TTN: variants seen among roughly 807,000 people sequenced by gnomAD.
The protein encoded by TTN is titin.
Under a neutral mutation model 3,223.0 loss-of-function variants are expected in TTN, and 1,525 were observed. That is an observed-to-expected ratio of 0.47 (90% confidence interval 0.45 to 0.49). TTN has a LOEUF of 0.49. TTN is among the 20% of genes least tolerant of loss of function. The pLI is 0.00. For synonymous variants in TTN, 14,094 were observed against 15,161.0 expected, an observed-to-expected ratio of 0.93 and a Z score of 5.17; for missense variants, 40,786 against 43,424.0, an observed-to-expected ratio of 0.94 and a Z score of 5.40.
intron 133 of TTN, among the ~76,000 whole-genome samples, chr2:178,683,684 A>C (rs1164550891): frequency 6.6e-6 from 1 of 152,088 alleles, no homozygotes; most frequent in Admixed American, 6.6e-5. Context: ...GAAAAAATTA[A>C]AAATTTCATC....
In TTN at chr2:178,530,931, C is replaced by T; in HGVS notation, c.105684G>A (p.Val35228=). Residue 35228 remains valine (V), a synonymous_variant, in exon 358 of 363, where the codon GTG becomes GTA. Transcript: ENST00000589042. The part of the protein sequence containing the change: ...IQKARVTEKA[V]TSPPRVKSPE... ...GGGATTTGACTCTTGGTGGTGATGT[C>T]ACAGCCTTTTCAGTTACCCTGGCCT... 1 of 1,613,948 alleles carries T rather than the reference C, an allele frequency of 6.2e-7. No individual in the cohort carries two copies. Among genetic ancestry groups the T allele is most frequent in the Non-Finnish European group, 8.5e-7 (1 of 1,179,880 alleles).
rs773875566 is a variant in TTN, at chr2:178,769,679, G to A, written c.8902C>T (p.Pro2968Ser). The change falls in exon 37 of 363, where the codon CCA becomes TCA. Residue 2968 changes from proline to serine, a missense_variant and splice_region_variant. Physicochemically the swap from Pro to Ser is moderately conservative, Grantham distance 74. Coordinates refer to ENST00000589042, the MANE Select transcript of TTN (RefSeq NM_001267550.2). ...TATATATATATATTTTTTAACTTAC[G>A]GGTGACTGTCAGGGTGGCACTGACT... The part of the protein sequence containing the change: ...DQVSATLTVT[P>S]IMITSMLKDI... 1.6e-5 allele frequency: 25 copies of A among 1,611,884 alleles called. No homozygotes were observed. The highest frequency in any genetic ancestry group is 1.5e-4 in the Admixed American group (9 of 59,912).
In TTN at chr2:178,776,897, G is replaced by A. The variant is rs532771047; in HGVS notation, c.4967C>T (p.Pro1656Leu). Reference protein sequence around the residue: ...NVEVEFAEPEPERKLIIPRGT... With the variant: ...NVEVEFAEPELERKLIIPRGT... Reference sequence around the variant, plus strand: ...CCGTGGGATGATTAACTTTCTCTCTGGCTCAGGCTCTGCAAACTCAACTTC... The same window carrying A: ...CCGTGGGATGATTAACTTTCTCTCTAGCTCAGGCTCTGCAAACTCAACTTC... Residue 1656 changes from proline (P) to leucine (L), a missense_variant, in exon 28 of 363, where the codon CCA (proline) becomes CTA (leucine). Coordinates refer to ENST00000589042, the MANE Select transcript of TTN (RefSeq NM_001267550.2). 6 of 1,613,112 alleles carry A rather than the reference G, an allele frequency of 3.7e-6. No homozygotes were observed. The South Asian group carries it at 6.6e-5, about 18-fold the overall frequency.
chr2:178,744,823 C>A, intron 47 of TTN: 1 of 984,966 alleles, frequency 1.0e-6, no homozygotes. Context: ...GATGTCATCT[C>A]AAAAATGGAG....
rs765570520 is a variant in TTN, at chr2:178,686,113, A to ATTTTTTT, written c.32312-522_32312-516dup. On this transcript the variant is annotated intron_variant, in intron 127 of 362. Coordinates refer to ENST00000589042, the MANE Select transcript of TTN (RefSeq NM_001267550.2). ...TTGAGCCTAAGTGTATACAGTTTTA[A>ATTTTTTT]TTTTTTTTTTTTTTTTTTTTTTTTT... Among the ~76,000 whole-genome samples, 408 of 77,788 alleles carry ATTTTTTT rather than the reference A, an allele frequency of 5.2e-3. 49 individuals are homozygous for ATTTTTTT. Among genetic ancestry groups the ATTTTTTT allele is most frequent in the African/African-American group, 0.018 (276 of 15,084 alleles). 51.0% of individuals were successfully genotyped at this position (77,788 alleles called of 152,430 possible).
Position 178,782,909 on chromosome 2 carries a change from A to G in TTN, c.2997T>C (p.Arg999=). The change falls in exon 18 of 363, where the codon CGT becomes CGC. Residue 999 remains arginine, a synonymous_variant. Transcript: ENST00000589042. The part of the protein sequence containing the change: ...FQITFQSGIA[R]LMIREAFAED... ...CCGCAAATGCTTCGCGAATCATAAG[A>G]CGAGCAATTCCACTCTGGAAGGTTA... 1 of 1,614,120 alleles carries G rather than the reference A, an allele frequency of 6.2e-7. No homozygotes were observed. The highest frequency in any genetic ancestry group is 8.5e-7 in the Non-Finnish European group (1 of 1,179,992).
rs538803059 is a variant in TTN at position 178,560,529 on chromosome 2, C to T, written c.85603G>A (p.Glu28535Lys). The stretch of plus-strand genomic sequence containing the variant: ...TTTATAGCTACACTCTCTAGGGGCT[C>T]ACCAACACCATATTTATTAACACCA... Reference protein sequence around the residue: ...VTGVNKYGVGEPLESVAIKAL... With the variant: ...VTGVNKYGVGKPLESVAIKAL... The change falls in exon 326 of 363, where the codon GAG (glutamate) becomes AAG (lysine). Residue 28535 changes from glutamate (E) to lysine (K), a missense_variant. Glu to Lys is a moderately conservative substitution (Grantham distance 56). Coordinates refer to ENST00000589042, the MANE Select transcript of TTN (RefSeq NM_001267550.2). 1.2e-6 allele frequency: 2 copies of T among 1,613,126 alleles called. No individual in the cohort carries two copies. Among genetic ancestry groups the T allele is most frequent in the African/African-American group, 1.3e-5 (1 of 74,894 alleles).
Position 178,679,642 on chromosome 2 carries a change from T to A in TTN, c.33621A>T (p.Lys11207Asn), listed in dbSNP as rs1441640269. ...VPRKPVPEEK[K>N]PVPVPKKKEA... The stretch of plus-strand genomic sequence containing the variant: ...CCTTCTTCTTGGGAACAGGAACAGG[T>A]TTCTTCTCTTCTGGAACAGGTTTCC... The change falls in exon 141 of 363, where the codon AAA (lysine) becomes AAT (asparagine). Residue 11207 changes from lysine to asparagine, a missense_variant. Coordinates refer to ENST00000589042, the MANE Select transcript of TTN (RefSeq NM_001267550.2). 3 of 1,611,498 alleles carry A rather than the reference T, an allele frequency of 1.9e-6. No homozygotes were observed. The highest frequency in any genetic ancestry group is 2.5e-6 in the Non-Finnish European group (3 of 1,179,090).
chr2:178,678,723 T>C (rs1435722635), intron 143 of TTN, 24 bp downstream of exon 143: 2 of 1,595,612 alleles, frequency 1.3e-6, no homozygotes, highest in Non-Finnish European at 1.7e-6. Flanking sequence ...AATAAAAATA[T>C]TGCAACATTG....
intron 12 of TTN, 106 bp from the exon 13 acceptor site, chr2:178,789,603 TA>T (rs2093381604): frequency 3.5e-6 from 5 of 1,417,124 alleles, no homozygotes; most frequent in African/African-American, 1.4e-5. Context: ...TATTCAGGGT[TA>T]AATACACAAG....
At position 178,768,738 on chromosome 2, in the gene TTN, C is replaced by T. The variant is rs772024586; in HGVS notation, c.9098G>A (p.Gly3033Glu). 6.2e-7 allele frequency: 1 copy of T among 1,614,036 alleles called. No homozygotes were observed. The part of the protein sequence containing the change: ...HSLNIRNVHF[G>E]DAADYTFVAG... ...CACAAAGGTGTAGTCAGCAGCATCC[C>T]CAAAGTGAACATTCCTGATGTTCAG... Residue 3033 changes from glycine to glutamate, a missense_variant, in exon 38 of 363, where the codon GGG becomes GAG. Gly to Glu is a moderately conservative substitution (Grantham distance 98). Transcript: ENST00000589042.
chr2:178,766,258 G>A, intron 41 of TTN, 123 bp downstream of exon 41: 1 of 797,880 alleles, frequency 1.3e-6, no homozygotes, highest in Non-Finnish European at 2.1e-6. Flanking sequence ...AAATGTAGCT[G>A]GAACCACATG....
intron 137 of TTN, 35 bp from the exon 138 acceptor site, chr2:178,681,206 C>G (rs1285162488): frequency 6.4e-7 from 1 of 1,557,508 alleles, no homozygotes; most frequent in East Asian, 2.2e-5. Flanking sequence ...AGCATTAAAA[C>G]CAACTCCTTG....
chr2:178,587,337 T>A lies in TTN; in HGVS notation c.63874A>T (p.Asn21292Tyr). ...TGTGTCACTTGGCTCCCACCGTCGT[T>A]TTCAGGAGGGGCCCAGGACACATGG... ...SCHVSWAPPENDGGSQVTHYI... is the reference protein window; with the variant it reads ...SCHVSWAPPEYDGGSQVTHYI... The change falls in exon 307 of 363, where the codon AAC becomes TAC. Residue 21292 changes from asparagine (N) to tyrosine (Y), a missense_variant. By Grantham distance (143) the Asn-to-Tyr change is moderately radical (BLOSUM62 -2). Transcript: ENST00000589042. 6.3e-7 allele frequency: 1 copy of A among 1,594,648 alleles called. No homozygotes were observed. Among genetic ancestry groups the A allele is most frequent in the Non-Finnish European group, 8.6e-7 (1 of 1,168,126 alleles).
At position 178,678,459 on chromosome 2, in the gene TTN, C is replaced by T; in HGVS notation, c.33865G>A (p.Val11289Met). The change falls in exon 144 of 363, where the codon GTG (valine) becomes ATG (methionine). Residue 11289 changes from valine (V) to methionine (M), a missense_variant. Coordinates refer to ENST00000589042, the MANE Select transcript of TTN (RefSeq NM_001267550.2). The part of the protein sequence containing the change: ...VPKKPVPEKK[V>M]PVPAPKKVEA... ...ACTTTCTTAGGAGCAGGAACTGGCA[C>T]CTTCTTCTCAGGCACAGGCTTCTTG... 6.3e-7 allele frequency: 1 copy of T among 1,595,552 alleles called. No individual in the cohort carries two copies. Among genetic ancestry groups the T allele is most frequent in the Non-Finnish European group, 8.5e-7 (1 of 1,171,580 alleles).
chr2:178,582,035 C>G lies in TTN; in HGVS notation c.66334G>C (p.Glu22112Gln). 6.2e-7 allele frequency: 1 copy of G among 1,613,296 alleles called. No individual in the cohort carries two copies. Among genetic ancestry groups the G allele is most frequent in the South Asian group, 1.1e-5 (1 of 91,064 alleles). Residue 22112 changes from glutamate to glutamine, a missense_variant, in exon 315 of 363, where the codon GAA (glutamate) becomes CAA (glutamine). By Grantham distance (29) the Glu-to-Gln change is conservative. Coordinates refer to ENST00000589042, the MANE Select transcript of TTN (RefSeq NM_001267550.2). ...AGACCTGTTGCTTTTAATGTTCTTT[C>G]TATAATAGGTTTTCTGTTGACCTTA... is the stretch of plus-strand genomic sequence containing the variant. Reference protein sequence around the residue: ...WTKVNRKPIIERTLKATGLQE... With the variant: ...WTKVNRKPIIQRTLKATGLQE...
At chr2:178,612,740 AT>A (rs1175931121) in intron 265 of TTN, 32 bp downstream of exon 265, 2 of 1,578,550 alleles carry the variant, frequency 1.3e-6, no homozygotes, top group Admixed American at 2.0e-5. Context: ...TATTAGAAGA[AT>A]TTATATATCC....
In TTN at chr2:178,580,549, ACT is replaced by A; in HGVS notation, c.66828_66829del (p.Val22277TyrfsTer20). On this transcript the variant is annotated frameshift_variant, in exon 317 of 363. Transcript: ENST00000589042. LOFTEE classifies it high-confidence loss of function. ...TACTGGTACATATAGTCTCATAGTA[ACT>A]CCAGCACGTAATATGAGTGTCTTCC... The A allele has an allele frequency of 6.2e-7, 1 of 1,612,528 alleles. No homozygotes were observed. The highest frequency in any genetic ancestry group is 8.5e-7 in the Non-Finnish European group (1 of 1,179,216).
chr2:178,571,370 G>A lies in TTN; in HGVS notation c.74762C>T (p.Ser24921Phe), dbSNP rs1373803284. Residue 24921 changes from serine to phenylalanine, a missense_variant, in exon 326 of 363, where the codon TCC becomes TTC. By Grantham distance (155) the Ser-to-Phe change is radical. Coordinates refer to ENST00000589042, the MANE Select transcript of TTN (RefSeq NM_001267550.2). ...PPGTPVVTLS[S>F]RDSMEVQWNE... ...CCATTGTACTTCCATGCTGTCCCTG[G>A]AGGACAGTGTGACAACTGGAGTGCC... 2 of 1,613,196 alleles carry A rather than the reference G, an allele frequency of 1.2e-6. No homozygotes were observed. The highest frequency in any genetic ancestry group is 3.3e-5 in the Admixed American group (2 of 59,958).
Sources: allele counts gnomAD v4.1 joint callset (sites outside exome capture counted in the v4.1 genomes callset), GRCh38; gene constraint gnomAD v4.1.1; transcripts MANE v1.5; gene names NCBI Gene and HGNC (gene_info 2026-07-23, HGNC 2026-07-21).